Variants in CTBP2 observed in about 807,000 individuals in gnomAD.
CTBP2 encodes the protein C-terminal binding protein 2.
A neutral mutation model predicts 80.3 loss-of-function variants in CTBP2; 30 were observed. That is an observed-to-expected ratio of 0.37 (90% CI 0.28 to 0.51). CTBP2 has a LOEUF of 0.51. CTBP2 is among the 20% of genes least tolerant of loss of function. The probability of loss-of-function intolerance (pLI) is 0.93; values close to 1 mark genes in which losing one functional copy is unlikely to be tolerated. For synonymous variants in CTBP2, 594 were observed against 587.4 expected, an observed-to-expected ratio of 1.01 and a Z score of -0.16; for missense variants, 1,212 against 1,375.3, an observed-to-expected ratio of 0.88 and a Z score of 1.88.
At chr10:125,128,182 C>G (rs1366530978) in intron 1 of CTBP2, among the ~76,000 whole-genome samples, 1 of 152,174 alleles carries the variant, frequency 6.6e-6, no homozygotes, top group Non-Finnish European at 1.5e-5. Flanking sequence ...TGTCCATCCT[C>G]ACACGGAAGC....
intron 1 of CTBP2, among the ~76,000 whole-genome samples, chr10:125,126,448 G>A (rs760206652): frequency 2.1e-4 from 32 of 152,196 alleles, no homozygotes; most frequent in Middle Eastern, 3.2e-3. Flanking sequence ...CGTTCCTAGC[G>A]TATGGATAGG....
chr10:125,019,048 T>A (rs1343947637), intron 1 of CTBP2, among the ~76,000 whole-genome samples: 1 of 152,378 alleles, frequency 6.6e-6, no homozygotes, highest in Admixed American at 6.5e-5. Context: ...GCAAAAGTTG[T>A]TTTATTCACA....
At chr10:125,140,333 G>A (rs1857590363) in intron 1 of CTBP2, among the ~76,000 whole-genome samples, 1 of 151,746 alleles carries the variant, frequency 6.6e-6, no homozygotes, top group Non-Finnish European at 1.5e-5. Context: ...GGGAATGCCA[G>A]TCAGGGCTGG....
At chr10:125,016,590 CTCA>C (rs1956516885) in intron 1 of CTBP2, among the ~76,000 whole-genome samples, 1 of 152,226 alleles carries the variant, frequency 6.6e-6, no homozygotes, top group South Asian at 2.1e-4. Flanking sequence ...AGGGAGAAGC[CTCA>C]TGCTTGCAGC....
chr10:125,058,819 G>A (rs960243744), intron 2 of CTBP2, among the ~76,000 whole-genome samples: 1 of 152,120 alleles, frequency 6.6e-6, no homozygotes, highest in Non-Finnish European at 1.5e-5. Context: ...ATTTGAACCC[G>A]GGAGGCGGTG....
intron 1 of CTBP2, among the ~76,000 whole-genome samples, chr10:125,153,058 GC>G (rs1425058213): frequency 6.6e-6 from 1 of 152,232 alleles, no homozygotes. Flanking sequence ...GCCAAGTTCT[GC>G]CTGTGCCAGG....
chr10:125,145,305 G>A (rs1251686834), intron 1 of CTBP2, among the ~76,000 whole-genome samples: 4 of 152,082 alleles, frequency 2.6e-5, no homozygotes, highest in African/African-American at 9.7e-5. Flanking sequence ...CCATCGGGAC[G>A]AAGGGTGGGG....
intron 2 of CTBP2, among the ~76,000 whole-genome samples, chr10:125,051,206 A>G (rs1468838729): frequency 6.6e-6 from 1 of 152,218 alleles, no homozygotes; most frequent in Non-Finnish European, 1.5e-5. Flanking sequence ...CCCACCCCAG[A>G]CACCATTCGA....
chr10:125,029,178 T>C (rs1476288358), upstream of CTBP2, among the ~76,000 whole-genome samples: 1 of 152,000 alleles, frequency 6.6e-6, no homozygotes, highest in Non-Finnish European at 1.5e-5. Context: ...TCTCTCTCAA[T>C]CTAGCACTCT....
rs752391677 is a variant in CTBP2, at chr10:124,993,424, T to C, written c.2532-95A>G. On this transcript the variant is annotated intron_variant, in intron 6 of 8. Transcript: ENST00000309035. ...GGGAGCTCTTGGCCATGTAGAAAAG[T>C]AGCTACATAGATAGCATGGATACAG... 7.5e-5 allele frequency: 102 copies of C among 1,358,354 alleles called. 1 individual carries two copies. Among genetic ancestry groups the C allele is most frequent in the Non-Finnish European group, 9.3e-5 (93 of 996,186 alleles). The allele number at this position is 1,358,354 out of a possible 1,614,324, so 84.1% of individuals were successfully genotyped here. A position where few individuals can be genotyped will look rare whatever the true frequency, so the allele number is the denominator to read the frequency against.
chr10:125,126,166 G>C (rs965071642), intron 1 of CTBP2, among the ~76,000 whole-genome samples: 1 of 152,210 alleles, frequency 6.6e-6, no homozygotes, highest in African/African-American at 2.4e-5. Context: ...CAGTTCAGCT[G>C]CTGGTGCTTT....
At chr10:125,016,515 G>T (rs1385257803) in intron 1 of CTBP2, among the ~76,000 whole-genome samples, 1 of 152,258 alleles carries the variant, frequency 6.6e-6, no homozygotes. Context: ...TTCCCAGGGT[G>T]AATGTCCACA....
Position 124,994,557 on chromosome 10 carries a change from T to C in CTBP2, c.2312A>G (p.Asp771Gly). Residue 771 changes from aspartate (D) to glycine (G), a missense_variant, in exon 5 of 9, where the codon GAT becomes GGT. This residue lies in a region of CTBP2 where 335 missense variants were observed against 504.7 expected (regional missense o/e 0.66). Transcript: ENST00000309035. ...GACGCAGTCGCTCTGATACAGCAAA[T>C]CCTGCAGGGTGTAGACCCTCTGCAC... The C allele has an allele frequency of 6.2e-7, 1 of 1,614,042 alleles. No individual in the cohort carries two copies. The highest frequency in any genetic ancestry group is 8.5e-7 in the Non-Finnish European group (1 of 1,179,884).
intron 1 of CTBP2, among the ~76,000 whole-genome samples, chr10:125,010,178 G>T (rs1955710707): frequency 7.5e-6 from 1 of 134,158 alleles, no homozygotes; most frequent in African/African-American, 2.9e-5. Flanking sequence ...GCATAATTTG[G>T]AAGAAAATCT....
Position 125,026,825 on chromosome 10 carries a change from T to G in CTBP2, c.935A>C (p.Gln312Pro). 3 of 1,613,494 alleles carry G rather than the reference T, an allele frequency of 1.9e-6. No individual in the cohort carries two copies. The highest frequency in any genetic ancestry group is 2.2e-5 in the East Asian group (1 of 44,884). Residue 312 changes from glutamine to proline, a missense_variant, in exon 1 of 9, where the codon CAG (glutamine) becomes CCG (proline). Transcript: ENST00000309035. ...GACGGCCGGGGAGTCAAAGCCCTGC[T>G]GCAGTAGGGCTCCCAGCGTGGCCTC...
At chr10:125,051,882 G>C (rs1233924455) in intron 2 of CTBP2, among the ~76,000 whole-genome samples, 1 of 152,186 alleles carries the variant, frequency 6.6e-6, no homozygotes, top group Non-Finnish European at 1.5e-5. Flanking sequence ...AAGGAGGACA[G>C]TTGGACACTT....
chr10:125,003,126 G>C (rs1462485112), intron 2 of CTBP2, 22 bp from the exon 5 acceptor site: 7 of 1,613,382 alleles, frequency 4.3e-6, no homozygotes, highest in Non-Finnish European at 5.9e-6. Flanking sequence ...CAGAGCACAG[G>C]GTCGGAGCCC....
intron 3 of CTBP2, 167 bp from the exon 6 acceptor site, chr10:124,998,337 C>T (rs1176327131): frequency 2.9e-6 from 2 of 691,060 alleles, no homozygotes; most frequent in Admixed American, 2.7e-5. Context: ...GGCCCTCTGG[C>T]TCTGATGCAT....
intron 3 of CTBP2, among the ~76,000 whole-genome samples, chr10:125,034,849 AGAAAGTC>A (rs1305811557): frequency 6.6e-6 from 1 of 152,230 alleles, no homozygotes; most frequent in East Asian, 1.9e-4. Context: ...TCGGGGAAAG[AGAAAGTC>A]ACTCTCTCAT....
Sources: allele counts gnomAD v4.1 joint callset (sites outside exome capture counted in the v4.1 genomes callset), GRCh38; gene constraint gnomAD v4.1.1; regional missense constraint gnomAD v4.1.1; transcripts MANE v1.5; gene names NCBI Gene and HGNC (gene_info 2026-07-23, HGNC 2026-07-21).